Variants in WDR27 observed in about 807,000 individuals in gnomAD.
The protein encoded by WDR27 is WD repeat domain 27.
A neutral mutation model predicts 114.4 loss-of-function variants in WDR27; 100 were observed. The observed-to-expected ratio is 0.87, with a 90% confidence interval of 0.74 to 1.03. WDR27 has a LOEUF of 1.03. Among genes scored for constraint, WDR27 ranks in the 50% least tolerant of loss-of-function variants. WDR27 has a pLI of 0.00. For synonymous variants in WDR27, 449 were observed against 423.1 expected (o/e 1.06, Z -0.75); for missense variants, 1,129 against 1,092.9 (o/e 1.03, Z -0.47).
At chr6:169,525,119 A>G (rs1159487129) in intron 25 of WDR27, among the ~76,000 whole-genome samples, 2 of 152,212 alleles carry the variant, frequency 1.3e-5, no homozygotes, top group Non-Finnish European at 2.9e-5. Flanking sequence ...AAAAATCTGA[A>G]TAGACGTTTC....
chr6:169,477,333 C>T (rs1787321604), intron 25 of WDR27, among the ~76,000 whole-genome samples: 1 of 152,212 alleles, frequency 6.6e-6, no homozygotes, highest in Non-Finnish European at 1.5e-5. Context: ...ATAAAACGTA[C>T]CCCATTCTCA....
chr6:169,511,191 C>G (rs1490350261), intron 25 of WDR27, among the ~76,000 whole-genome samples: 2 of 152,140 alleles, frequency 1.3e-5, no homozygotes, highest in Non-Finnish European at 2.9e-5. Flanking sequence ...TTTGAGGAGC[C>G]TTTGTGTAAC....
At chr6:169,438,113 T>A in the WDR27 span, among the ~76,000 whole-genome samples, 8 of 152,170 alleles carry the variant, frequency 5.3e-5, no homozygotes, top group Non-Finnish European at 1.2e-4. Flanking sequence ...ATTGTTCTCA[T>A]TTTTATATCT....
intron 25 of WDR27, among the ~76,000 whole-genome samples, chr6:169,481,346 G>T (rs544814650): frequency 6.6e-6 from 1 of 152,186 alleles, no homozygotes; most frequent in African/African-American, 2.4e-5. Flanking sequence ...TCTGTAAAAT[G>T]GACCAATCAG....
chr6:169,523,108 A>G (rs1794583029), intron 25 of WDR27, among the ~76,000 whole-genome samples: 2 of 152,086 alleles, frequency 1.3e-5, no homozygotes, highest in Non-Finnish European at 2.9e-5. Flanking sequence ...AAAAGAAAAC[A>G]TAACAACTGG....
Position 169,531,445 on chromosome 6 carries a change from C to T in WDR27, c.2645+40974G>A, listed in dbSNP as rs75390421. Among the ~76,000 whole-genome samples, 265 of 152,262 alleles carry T rather than the reference C, an allele frequency of 1.7e-3. 3 individuals are homozygous for T. Among genetic ancestry groups the T allele is most frequent in the African/African-American group, 5.9e-3 (246 of 41,574 alleles). On this transcript the variant is annotated intron_variant, in intron 25 of 25. Coordinates refer to ENST00000448612, the MANE Select transcript of WDR27 (RefSeq NM_182552.5). ...CAGAAACATTTGGATAAGAGAAAGACAATTCAGTAGTAACTTGTCAAATAC... is the reference window on the plus strand; with the variant it reads ...CAGAAACATTTGGATAAGAGAAAGATAATTCAGTAGTAACTTGTCAAATAC...
chr6:169,447,043 T>C, the WDR27 span, among the ~76,000 whole-genome samples: 1 of 152,228 alleles, frequency 6.6e-6, no homozygotes, highest in Non-Finnish European at 1.5e-5. Context: ...CTTATGATAA[T>C]GCAAAAAGAT....
At chr6:169,690,142 G>A (rs143475353) in intron 1 of WDR27, among the ~76,000 whole-genome samples, 1 of 151,124 alleles carries the variant, frequency 6.6e-6, no homozygotes, top group Non-Finnish European at 1.5e-5. Flanking sequence ...TGCTGGTCAT[G>A]TGGATTCAAA....
At position 169,623,651 on chromosome 6, in the gene WDR27, A is replaced by G. The variant is rs144939092; in HGVS notation, c.2223+9296T>C. Among the ~76,000 whole-genome samples the G allele has an allele frequency of 7.6e-3, 1,154 of 152,304 alleles. 26 individuals carry two copies. The highest frequency in any genetic ancestry group is 0.027 in the African/African-American group (1,117 of 41,568). ...TGGTGGGGGAGCATCAACAACCCACATTTGGGATGAATTATTCTGAACCGT... is the reference window on the plus strand; with the variant it reads ...TGGTGGGGGAGCATCAACAACCCACGTTTGGGATGAATTATTCTGAACCGT... On this transcript the variant is annotated intron_variant, in intron 21 of 25. Coordinates refer to ENST00000448612, the MANE Select transcript of WDR27 (RefSeq NM_182552.5).
At chr6:169,530,856 G>T (rs1795501287) in intron 25 of WDR27, among the ~76,000 whole-genome samples, 1 of 152,198 alleles carries the variant, frequency 6.6e-6, no homozygotes, top group Non-Finnish European at 1.5e-5. Context: ...ACATTTCTAA[G>T]AATCACTGTA....
At chr6:169,476,761 A>G (rs1787238181) in intron 25 of WDR27, among the ~76,000 whole-genome samples, 1 of 152,200 alleles carries the variant, frequency 6.6e-6, no homozygotes, top group South Asian at 2.1e-4. Context: ...AGTTATTGTT[A>G]GTGTAATTAT....
chr6:169,623,053 C>T (rs1813754558), intron 21 of WDR27, among the ~76,000 whole-genome samples: 2 of 152,160 alleles, frequency 1.3e-5, no homozygotes, highest in African/African-American at 2.4e-5. Context: ...TGACCACCTC[C>T]CCCACCCCTA....
intron 21 of WDR27, among the ~76,000 whole-genome samples, chr6:169,625,740 C>T (rs551770360): frequency 5.3e-5 from 8 of 152,300 alleles, no homozygotes; most frequent in Admixed American, 2.6e-4. Flanking sequence ...TCAGATCTCA[C>T]GCCGGCACCC....
intron 2 of WDR27, among the ~76,000 whole-genome samples, chr6:169,675,100 G>T (rs1043241738): frequency 1.3e-5 from 2 of 152,172 alleles, no homozygotes; most frequent in Non-Finnish European, 2.9e-5. Flanking sequence ...GGTCACAGGG[G>T]ATATGATGGC....
At chr6:169,697,518 A>C (rs1357778698) in intron 1 of WDR27, among the ~76,000 whole-genome samples, 2 of 152,156 alleles carry the variant, frequency 1.3e-5, no homozygotes, top group Non-Finnish European at 2.9e-5. Context: ...CGCCCACTGT[A>C]ATCCGGAGGC....
At chr6:169,666,237 C>G (rs929201421) in intron 6 of WDR27, among the ~76,000 whole-genome samples, 3 of 152,066 alleles carry the variant, frequency 2.0e-5, no homozygotes, top group African/African-American at 7.2e-5. Context: ...AACGTACTTC[C>G]AAGAAATGTG....
At position 169,657,417 on chromosome 6, in the gene WDR27, GC is replaced by G. The variant is rs368715409; in HGVS notation, c.1402+858del. Among the ~76,000 whole-genome samples, 38 of 152,362 alleles carry G rather than the reference GC, an allele frequency of 2.5e-4. No homozygotes were observed. The South Asian group carries it at 5.0e-3, about 20-fold the overall frequency. On this transcript the variant is annotated intron_variant, in intron 13 of 25. Coordinates refer to ENST00000448612, the MANE Select transcript of WDR27 (RefSeq NM_182552.5). The stretch of plus-strand genomic sequence containing the variant: ...AGGAACCCTAGCCCAGCCTAGCCGA[GC>G]CCGGCCCGGGGAGAGGCCCAAGGGT...
intron 10 of WDR27, among the ~76,000 whole-genome samples, chr6:169,660,194 G>C (rs1266428459): frequency 4.8e-5 from 7 of 146,376 alleles, no homozygotes; most frequent in Admixed American, 1.4e-4. Context: ...GGGGGTCTTG[G>C]GGGAGGGGGT....
chr6:169,539,047 TATC>T (rs1172915587), intron 25 of WDR27, among the ~76,000 whole-genome samples: 2 of 152,222 alleles, frequency 1.3e-5, no homozygotes, highest in Non-Finnish European at 2.9e-5. Context: ...TCTAGTCCCT[TATC>T]ATTAATAAGC....
Sources: gnomAD v4.1 joint callset for allele counts (sites outside exome capture counted in the v4.1 genomes callset) on GRCh38, gnomAD v4.1.1 for gene constraint, MANE v1.5 for transcripts, NCBI Gene and HGNC (gene_info 2026-07-23, HGNC 2026-07-21) for gene names.